Variants in LRBA observed in about 807,000 individuals in gnomAD.
The protein encoded by LRBA is lipopolysaccharide-responsive and beige-like anchor protein.
Under a neutral mutation model 330.0 loss-of-function variants are expected in LRBA, and 176 were observed. The ratio of observed to expected loss-of-function variants is 0.53; its 90% confidence interval spans 0.47 to 0.60. The LOEUF is 0.60. Ranked by LOEUF, LRBA falls within the 20% of genes least tolerant of loss-of-function variation. The probability of loss-of-function intolerance (pLI) is 0.00; values close to 1 mark genes in which losing one functional copy is unlikely to be tolerated. For synonymous variants in LRBA, 1,230 were observed against 1,193.0 expected (o/e 1.03, Z -0.64); for missense variants, 3,259 against 3,444.8 (o/e 0.95, Z 1.35).
intron 38 of LRBA, among the ~76,000 whole-genome samples, chr4:150,592,144 GTTTTTTTT>G (rs10685627): frequency 4.8e-4 from 31 of 65,190 alleles, no homozygotes; most frequent in African/African-American, 1.8e-3. Context: ...GATGGCTAGG[GTTTTTTTT>G]TTTTTTTTTT....
chr4:150,526,513 A>G (rs1399869398), intron 40 of LRBA, among the ~76,000 whole-genome samples: 2 of 152,208 alleles, frequency 1.3e-5, no homozygotes, highest in East Asian at 3.8e-4. Flanking sequence ...CAGTTTCTCA[A>G]TAAAAAGATG....
intron 47 of LRBA, among the ~76,000 whole-genome samples, chr4:150,384,479 G>A (rs1298103130): frequency 6.6e-6 from 1 of 152,160 alleles, no homozygotes; most frequent in Non-Finnish European, 1.5e-5. Context: ...CTTATGCTCT[G>A]CAAAGGAGTA....
rs1579041712 is a variant in LRBA at position 150,866,913 on chromosome 4, CGTA to C, written c.2766+755_2766+757del. ...TCTTTATTGTTTAGAGTTATATACA[CGTA>C]GTAAAGGTATAGAAAAGACAAAAGA... On this transcript the variant is annotated intron_variant, in intron 22 of 56. Coordinates refer to ENST00000651943, the MANE Select transcript of LRBA (RefSeq NM_001364905.1). Among the ~76,000 whole-genome samples, 6 of 151,776 alleles carry C rather than the reference CGTA, an allele frequency of 4.0e-5. No individual in the cohort carries two copies. In the East Asian group the frequency reaches 1.2e-3, roughly 29 times the overall value.
At chr4:150,653,518 C>T (rs1779901819) in intron 37 of LRBA, among the ~76,000 whole-genome samples, 1 of 152,178 alleles carries the variant, frequency 6.6e-6, no homozygotes, top group East Asian at 1.9e-4. Context: ...TTGGTCCAGG[C>T]TGACCTTGCC....
intron 37 of LRBA, among the ~76,000 whole-genome samples, chr4:150,614,854 C>A (rs1338206971): frequency 6.6e-6 from 1 of 152,058 alleles, no homozygotes; most frequent in Non-Finnish European, 1.5e-5. Flanking sequence ...CATTTCCCAG[C>A]AAAACTTTAA....
intron 37 of LRBA, among the ~76,000 whole-genome samples, chr4:150,681,301 G>A (rs1783036200): frequency 6.6e-6 from 1 of 152,152 alleles, no homozygotes; most frequent in East Asian, 1.9e-4. Context: ...AGCTGATTAT[G>A]CAAGCCTCAT....
chr4:150,816,410 T>C (rs982823831), intron 31 of LRBA, among the ~76,000 whole-genome samples: 4 of 151,954 alleles, frequency 2.6e-5, no homozygotes, highest in African/African-American at 4.8e-5. Flanking sequence ...TACTGCACAT[T>C]CTTCACATTA....
At chr4:150,300,332 T>C (rs1454264715) in intron 53 of LRBA, among the ~76,000 whole-genome samples, 2 of 152,100 alleles carry the variant, frequency 1.3e-5, no homozygotes, top group Non-Finnish European at 2.9e-5. Context: ...TTTTATTAGA[T>C]GTGCTGTTAT....
At chr4:150,963,305 C>A (rs1189031427) in intron 2 of LRBA, among the ~76,000 whole-genome samples, 1 of 149,200 alleles carries the variant, frequency 6.7e-6, no homozygotes, top group Non-Finnish European at 1.5e-5. Flanking sequence ...CCTGCCTCAG[C>A]CTGCCGAGTG....
At chr4:150,444,601 A>T (rs114833324) in intron 44 of LRBA, among the ~76,000 whole-genome samples, 227 of 152,276 alleles carry the variant, frequency 1.5e-3, no homozygotes, top group African/African-American at 5.1e-3. Flanking sequence ...TTTATTTAAT[A>T]CTGTCAAGAA....
At chr4:150,631,789 C>T (rs974316140) in intron 37 of LRBA, among the ~76,000 whole-genome samples, 5 of 152,118 alleles carry the variant, frequency 3.3e-5, no homozygotes, top group African/African-American at 1.2e-4. Context: ...GAGAGACTTG[C>T]AAACAGAGAT....
At chr4:150,281,366 T>A (rs1178029278) in intron 55 of LRBA, among the ~76,000 whole-genome samples, 1 of 151,694 alleles carries the variant, frequency 6.6e-6, no homozygotes, top group African/African-American at 2.4e-5. Flanking sequence ...CAGAGAACAG[T>A]GGAGACAAGA....
At chr4:150,402,112 A>C (rs1009451640) in intron 47 of LRBA, among the ~76,000 whole-genome samples, 2 of 151,014 alleles carry the variant, frequency 1.3e-5, no homozygotes, top group Admixed American at 1.3e-4. Context: ...AACACGGTGA[A>C]ATGCCATCTC....
At chr4:150,731,601 G>C (rs1465236097) in intron 36 of LRBA, among the ~76,000 whole-genome samples, 1 of 152,064 alleles carries the variant, frequency 6.6e-6, no homozygotes, top group Non-Finnish European at 1.5e-5. Flanking sequence ...CAAAACAATT[G>C]AACTTGTTCA....
chr4:150,269,335 A>G (rs1384824180), intron 56 of LRBA, among the ~76,000 whole-genome samples: 1 of 152,228 alleles, frequency 6.6e-6, no homozygotes, highest in Non-Finnish European at 1.5e-5. Context: ...TTGAGAAATA[A>G]TCCCTCACAT....
intron 9 of LRBA, among the ~76,000 whole-genome samples, chr4:150,912,540 GTAA>G (rs1337499171): frequency 6.6e-6 from 1 of 152,112 alleles, no homozygotes; most frequent in African/African-American, 2.4e-5. Flanking sequence ...ATATTACAAT[GTAA>G]TAATAACAGA....
intron 40 of LRBA, among the ~76,000 whole-genome samples, chr4:150,576,630 C>T (rs1770582181): frequency 6.6e-6 from 1 of 151,660 alleles, no homozygotes; most frequent in Admixed American, 6.6e-5. Context: ...GGGGGAAAAC[C>T]CTGATATACA....
chr4:150,486,216 A>G (rs1345679988), intron 42 of LRBA, among the ~76,000 whole-genome samples: 2 of 151,800 alleles, frequency 1.3e-5, no homozygotes, highest in African/African-American at 4.8e-5. Flanking sequence ...TGTAATTTAT[A>G]TTTGTGAATT....
At chr4:150,451,085 A>G (rs1753287300) in intron 44 of LRBA, among the ~76,000 whole-genome samples, 1 of 152,186 alleles carries the variant, frequency 6.6e-6, no homozygotes, top group African/African-American at 2.4e-5. Flanking sequence ...CAGAACTGAA[A>G]GAAAATATAG....
Sources: gnomAD v4.1 joint callset for allele counts (sites outside exome capture counted in the v4.1 genomes callset) on GRCh38, gnomAD v4.1.1 for gene constraint, MANE v1.5 for transcripts, NCBI Gene and HGNC (gene_info 2026-07-23, HGNC 2026-07-21) for gene names.